Variants in SHISA9 observed in about 807,000 individuals in gnomAD.
SHISA9 encodes protein shisa-9.
A neutral mutation model predicts 38.0 loss-of-function variants in SHISA9; 13 were observed. The observed-to-expected ratio is 0.34, with a 90% CI of 0.22 to 0.54. The LOEUF is 0.54. Ranked by LOEUF, SHISA9 falls within the 20% of genes least tolerant of loss-of-function variation. The pLI, the probability that SHISA9 is intolerant of heterozygous loss-of-function variation, is 0.91. For missense variants in SHISA9, 538 were observed against 575.8 expected, an observed-to-expected ratio of 0.93 and a Z score of 0.67; for synonymous variants, 275 against 242.0, an observed-to-expected ratio of 1.14 and a Z score of -1.27.
Position 12,901,604 on chromosome 16 carries a change from C to T in SHISA9, c.-461C>T, listed in dbSNP as rs971932231. ...TCCCTCCTGCCCTCCCTTCATTCCA[C>T]AAGTGTCGCTTCGCTCTCTTCAGCG... On this transcript the variant is annotated 5_prime_UTR_variant, in exon 1 of 5. Coordinates refer to ENST00000558583, the MANE Select transcript of SHISA9 (RefSeq NM_001145204.3). 6.8e-6 allele frequency: 1 copy of T among 147,922 alleles called. No homozygotes were observed. The highest frequency in any genetic ancestry group is 2.5e-5 in the African/African-American group (1 of 40,206). The allele number at this position is 147,922 out of a possible 1,614,324, so 9.2% of individuals were successfully genotyped here. A position where few individuals can be genotyped will look rare whatever the true frequency, so the allele number is the denominator to read the frequency against.
chr16:12,909,442 C>A (rs914622963), intron 1 of SHISA9: 1 of 985,268 alleles, frequency 1.0e-6, no homozygotes, highest in Non-Finnish European at 1.2e-6. Flanking sequence ...CATTGGGATA[C>A]CTGGAGGCTT....
chr16:13,311,394 G>A, the SHISA9 span, among the ~76,000 whole-genome samples: 1 of 152,052 alleles, frequency 6.6e-6, no homozygotes, highest in Non-Finnish European at 1.5e-5. Context: ...AAGCTTAAAT[G>A]AGAATTCAAT....
chr16:13,278,495 G>A, the SHISA9 span, among the ~76,000 whole-genome samples: 9 of 151,826 alleles, frequency 5.9e-5, no homozygotes, highest in Admixed American at 2.6e-4. Flanking sequence ...GGATTGATAC[G>A]CATTCGTCTT....
chr16:13,337,795 C>T, the SHISA9 span, among the ~76,000 whole-genome samples: 2 of 151,988 alleles, frequency 1.3e-5, no homozygotes, highest in East Asian at 3.9e-4. Flanking sequence ...TGAGTGAGTT[C>T]TCATGAGATC....
chr16:13,223,962 T>G (rs1273801037), intron 4 of SHISA9, among the ~76,000 whole-genome samples: 1 of 152,226 alleles, frequency 6.6e-6, no homozygotes, highest in Non-Finnish European at 1.5e-5. Flanking sequence ...CCAGGTGTCC[T>G]GGGTTCAAGT....
chr16:13,399,656 G>A, the SHISA9 span, among the ~76,000 whole-genome samples: 109,176 of 152,090 alleles, frequency 0.72, 39,927 homozygotes, highest in African/African-American at 0.86. Flanking sequence ...GGAAGCTCCT[G>A]CTTCTTCACC....
intron 2 of SHISA9, among the ~76,000 whole-genome samples, chr16:13,111,662 T>G (rs1018494471): frequency 3.3e-5 from 5 of 152,210 alleles, no homozygotes; most frequent in Non-Finnish European, 5.9e-5. Flanking sequence ...TTTTTGGAGC[T>G]TCTATTTAAC....
At chr16:12,954,209 C>G (rs1291360351) in intron 2 of SHISA9, among the ~76,000 whole-genome samples, 2 of 152,118 alleles carry the variant, frequency 1.3e-5, no homozygotes, top group African/African-American at 2.4e-5. Flanking sequence ...CAGGAATAGC[C>G]TGTGCAAAGG....
the SHISA9 span, among the ~76,000 whole-genome samples, chr16:13,396,510 A>G: frequency 1.8e-4 from 27 of 152,276 alleles, 1 homozygote; most frequent in South Asian, 1.0e-3. Flanking sequence ...CCGACCCTCA[A>G]CCAGAAATCA....
intron 2 of SHISA9, among the ~76,000 whole-genome samples, chr16:13,179,609 C>T (rs759291411): frequency 2.9e-4 from 44 of 152,344 alleles, no homozygotes; most frequent in Non-Finnish European, 4.7e-4. Context: ...TGTTAATACT[C>T]CTGCCTCCTG....
the SHISA9 span, among the ~76,000 whole-genome samples, chr16:13,294,331 A>T: frequency 6.6e-6 from 1 of 152,330 alleles, no homozygotes; most frequent in South Asian, 2.1e-4. Context: ...TACGTCTGCA[A>T]ATCAGCTGGA....
chr16:13,433,346 T>G, the SHISA9 span, among the ~76,000 whole-genome samples: 1 of 152,192 alleles, frequency 6.6e-6, no homozygotes, highest in African/African-American at 2.4e-5. Flanking sequence ...GTAACCAAAG[T>G]ATTAAAAGAG....
intron 2 of SHISA9, among the ~76,000 whole-genome samples, chr16:13,166,280 C>T (rs1425690225): frequency 6.6e-6 from 1 of 152,190 alleles, no homozygotes; most frequent in African/African-American, 2.4e-5. Context: ...TGGGCTTTGG[C>T]TTCCATCGTT....
the SHISA9 span, chr16:13,331,729 C>T: frequency 3.9e-5 from 6 of 152,100 alleles, no homozygotes; most frequent in East Asian, 5.8e-4. Context: ...AGATAAGATC[C>T]GGACTCTGAT....
At chr16:13,036,117 C>T (rs923595913) in intron 2 of SHISA9, among the ~76,000 whole-genome samples, 2 of 152,178 alleles carry the variant, frequency 1.3e-5, no homozygotes, top group African/African-American at 4.8e-5. Context: ...TACCATATGA[C>T]ACATCAATTC....
At chr16:12,922,980 C>A (rs1249722711) in intron 2 of SHISA9, among the ~76,000 whole-genome samples, 1 of 152,060 alleles carries the variant, frequency 6.6e-6, no homozygotes, top group Non-Finnish European at 1.5e-5. Context: ...CTCATGGCAG[C>A]AGCTCTATAC....
At chr16:13,462,489 A>G in the SHISA9 span, among the ~76,000 whole-genome samples, 4 of 152,204 alleles carry the variant, frequency 2.6e-5, no homozygotes, top group African/African-American at 9.6e-5. Flanking sequence ...AATGAGCTTA[A>G]TTTCATTCTA....
chr16:13,119,291 T>C (rs2074062582), intron 2 of SHISA9, among the ~76,000 whole-genome samples: 1 of 152,092 alleles, frequency 6.6e-6, no homozygotes, highest in Admixed American at 6.5e-5. Context: ...GGCTGAAATG[T>C]TATCATTGAT....
intron 2 of SHISA9, among the ~76,000 whole-genome samples, chr16:13,066,105 G>T (rs1265548604): frequency 6.6e-6 from 1 of 152,178 alleles, no homozygotes; most frequent in African/African-American, 2.4e-5. Context: ...AACTTTCAGA[G>T]CCAGTGTCTG....
Sources: allele counts gnomAD v4.1 joint callset (sites outside exome capture counted in the v4.1 genomes callset), GRCh38; gene constraint gnomAD v4.1.1; transcripts MANE v1.5; gene names NCBI Gene and HGNC (gene_info 2026-07-23, HGNC 2026-07-21).